TMEM229B: variants seen among roughly 807,000 people sequenced by gnomAD.
TMEM229B encodes the protein chromosome 14 open reading frame 83.
A neutral mutation model predicts 13.7 loss-of-function variants in TMEM229B; 6 were observed. The ratio of observed to expected loss-of-function variants is 0.44; its 90% CI spans 0.24 to 0.86. The LOEUF is 0.86. TMEM229B is among the 40% of genes least tolerant of loss of function. TMEM229B has a pLI of 0.23. For synonymous variants in TMEM229B, 107 were observed against 102.1 expected, an observed-to-expected ratio of 1.05 and a Z score of -0.29; for missense variants, 170 against 236.0, an observed-to-expected ratio of 0.72 and a Z score of 1.83.
At position 67,473,133 on chromosome 14, in the gene TMEM229B, TCCA is replaced by T. The variant is rs2030876009; in HGVS notation, c.*284_*286del. On this transcript the variant is annotated 3_prime_UTR_variant, in exon 3 of 3. Transcript: ENST00000554480. This position sits in a 1 kb window ranked among gnomAD's most constrained non-coding sequence, Gnocchi z 6.5. ...GCTGCTTCCAAAGTCAACTACATAG[TCCA>T]TCGCTGCTCAGCCACAGGCCTCCTG... 1 of 446,208 alleles carries T rather than the reference TCCA, an allele frequency of 2.2e-6. No individual in the cohort carries two copies. Among genetic ancestry groups the T allele is most frequent in the African/African-American group, 2.0e-5 (1 of 50,476 alleles). The allele number at this position is 446,208 out of a possible 1,614,324, so 27.6% of individuals were successfully genotyped here. A position where few individuals can be genotyped will look rare whatever the true frequency, so the allele number is the denominator to read the frequency against.
chr14:67,497,511 C>T lies in TMEM229B; in HGVS notation c.-191-10339G>A, dbSNP rs1458281549. ...AAGTGGACACCTGGAATGCAATTCC[C>T]ACGTGACCAACAAAAGAACTCTCCC... On this transcript the variant is annotated intron_variant, in intron 1 of 2. Transcript: ENST00000357461. 2.0e-5 allele frequency among the ~76,000 whole-genome samples: 3 copies of T among 152,172 alleles called. 1 individual carries two copies. In the East Asian group the frequency reaches 5.8e-4, roughly 29 times the overall value.
chr14:67,480,944 GAAGA>G (rs1257965084), intron 2 of TMEM229B, among the ~76,000 whole-genome samples: 2 of 152,200 alleles, frequency 1.3e-5, no homozygotes, highest in South Asian at 4.1e-4. Flanking sequence ...GCAGAAGCAA[GAAGA>G]AAGGGGTAGC....
chr14:67,497,432 T>G (rs1029693524), intron 1 of TMEM229B, among the ~76,000 whole-genome samples: 1 of 152,068 alleles, frequency 6.6e-6, no homozygotes, highest in Non-Finnish European at 1.5e-5. Flanking sequence ...GAGGAAGAAC[T>G]GACGGGCAGC....
chr14:67,503,683 T>TG (rs1360243525), intron 1 of TMEM229B: 1 of 14,940 alleles, frequency 6.7e-5, no homozygotes, highest in Non-Finnish European at 6.0e-4. Flanking sequence ...CTCAGCTTAC[T>TG]TTTTTTAAAT....
rs2032020230 is a variant in TMEM229B at position 67,488,640 on chromosome 14, G to C, written c.-324C>G. 6.6e-6 allele frequency: 1 copy of C among 152,446 alleles called. No homozygotes were observed. The highest frequency in any genetic ancestry group is 2.1e-4 in the South Asian group (1 of 4,832). 9.4% of individuals were successfully genotyped at this position (152,446 alleles called of 1,614,324 possible). On this transcript the variant is annotated 5_prime_UTR_variant, in exon 1 of 3. Transcript: ENST00000554480. ...TCTCCACCAGCACCACAAGGACCAT[G>C]TGCCTGGGGAGTTCAATCCCACCTG...
intron 1 of TMEM229B, among the ~76,000 whole-genome samples, chr14:67,502,362 A>T (rs1205474946): frequency 6.6e-6 from 1 of 151,200 alleles, no homozygotes; most frequent in East Asian, 1.9e-4. Flanking sequence ...AAAAAAGAAA[A>T]AAATGCAACA....
At chr14:67,507,121 C>T (rs1312795584) in intron 1 of TMEM229B, among the ~76,000 whole-genome samples, 1 of 152,150 alleles carries the variant, frequency 6.6e-6, no homozygotes, top group East Asian at 1.9e-4. Context: ...TAGCCTTGCC[C>T]TTTCAGGTAG....
chr14:67,489,786 C>A (rs528762424), upstream of TMEM229B, among the ~76,000 whole-genome samples: 5 of 152,238 alleles, frequency 3.3e-5, no homozygotes, highest in South Asian at 4.1e-4. Context: ...GTCAGGAGAT[C>A]GAGACCATCC....
upstream of TMEM229B, among the ~76,000 whole-genome samples, chr14:67,517,410 A>G (rs2033223776): frequency 6.6e-6 from 1 of 152,204 alleles, no homozygotes; most frequent in Non-Finnish European, 1.5e-5. Context: ...TGCTCACAAT[A>G]TTTTTAGGGA....
rs1280779083 is a variant in TMEM229B at position 67,511,692 on chromosome 14, T to C, written c.-192+3394A>G. ...GGTGGAAAGTCGCCTTTCAGAACCA[T>C]CCTTTGAAGGAGCAGGGGGCCAGCA... On this transcript the variant is annotated intron_variant, in intron 1 of 2. Transcript: ENST00000357461. Among the ~76,000 whole-genome samples, 2 of 152,176 alleles carry C rather than the reference T, an allele frequency of 1.3e-5. 1 individual carries two copies. Among genetic ancestry groups the C allele is most frequent in the Non-Finnish European group, 2.9e-5 (2 of 68,042 alleles).
intron 1 of TMEM229B, among the ~76,000 whole-genome samples, chr14:67,502,148 C>A (rs1281191119): frequency 1.3e-5 from 2 of 151,988 alleles, no homozygotes; most frequent in Non-Finnish European, 2.9e-5. Flanking sequence ...ACCTGACCAA[C>A]ATGGAGAAAC....
upstream of TMEM229B, among the ~76,000 whole-genome samples, chr14:67,491,073 C>T (rs181595864): frequency 2.6e-5 from 4 of 152,320 alleles, no homozygotes; most frequent in Non-Finnish European, 4.4e-5. Flanking sequence ...ACAAGTAGAT[C>T]GTCACCTATA....
At chr14:67,523,005 G>GT (rs2033313174) in intron 1 of TMEM229B, among the ~76,000 whole-genome samples, 1 of 152,216 alleles carries the variant, frequency 6.6e-6, no homozygotes, top group Non-Finnish European at 1.5e-5. Context: ...GTACTGTGCT[G>GT]TTTTGAGAAC....
chr14:67,508,655 A>G (rs983817710), intron 1 of TMEM229B, among the ~76,000 whole-genome samples: 8 of 150,198 alleles, frequency 5.3e-5, no homozygotes, highest in African/African-American at 2.0e-4. Context: ...CTGAGGCTAG[A>G]GGATCCCTTG....
At chr14:67,508,746 C>G (rs539574211) in intron 1 of TMEM229B, among the ~76,000 whole-genome samples, 494 of 30,056 alleles carry the variant, frequency 0.016, 4 homozygotes, top group Non-Finnish European at 0.034. Context: ...AGAGCAAAAC[C>G]TTGTCTCAAA....
At chr14:67,491,910 A>G (rs1200973282), upstream of TMEM229B, among the ~76,000 whole-genome samples, 1 of 152,174 alleles carries the variant, frequency 6.6e-6, no homozygotes, top group Non-Finnish European at 1.5e-5. Context: ...CCTGCCTGGC[A>G]TGGGGAAGGT....
intron 1 of TMEM229B, among the ~76,000 whole-genome samples, chr14:67,502,652 A>G (rs919592521): frequency 6.6e-6 from 1 of 151,892 alleles, no homozygotes; most frequent in South Asian, 2.1e-4. Context: ...GCATTCCTCC[A>G]TGTTGGTCAG....
upstream of TMEM229B, among the ~76,000 whole-genome samples, chr14:67,492,444 A>G (rs1383253332): frequency 6.6e-6 from 1 of 152,242 alleles, no homozygotes; most frequent in African/African-American, 2.4e-5. Flanking sequence ...TGTCAGTCAG[A>G]AAAAAGAGGC....
upstream of TMEM229B, among the ~76,000 whole-genome samples, chr14:67,518,482 C>T (rs2033241158): frequency 6.6e-6 from 1 of 152,216 alleles, no homozygotes; most frequent in African/African-American, 2.4e-5. Flanking sequence ...AGTAGCTCCA[C>T]ACTGTCATGT....
Sources: gnomAD v4.1 joint callset for allele counts (sites outside exome capture counted in the v4.1 genomes callset) on GRCh38, gnomAD v4.1.1 for gene constraint, Gnocchi (gnomAD v3.1) non-coding constraint, MANE v1.5 for transcripts, NCBI Gene and HGNC (gene_info 2026-07-23, HGNC 2026-07-21) for gene names.